Variants in USP31 observed in about 807,000 individuals in gnomAD.
The protein encoded by USP31 is ubiquitin specific peptidase 31.
USP31 carries 44 observed loss-of-function variants against 119.4 expected under a neutral mutation model. The observed-to-expected ratio is 0.37, with a 90% CI of 0.29 to 0.47. The LOEUF (loss-of-function observed/expected upper bound fraction) is 0.47, where lower values mean the gene tolerates loss of function less well. Among genes scored for constraint, USP31 ranks in the 20% least tolerant of loss-of-function variants. USP31 has a pLI of 0.99. For synonymous variants in USP31, 749 were observed against 705.6 expected (o/e 1.06, Z -0.97); for missense variants, 1,643 against 1,730.2 (o/e 0.95, Z 0.89).
At chr16:23,072,013 T>A (rs368262993) in intron 15 of USP31, 32 bp downstream of exon 15, 2 of 1,592,354 alleles carry the variant, frequency 1.3e-6, no homozygotes, top group African/African-American at 2.7e-5. Context: ...GAGTTACCAT[T>A]CTGGAAATTT....
At chr16:23,088,535 G>A (rs1049759782) in intron 7 of USP31, among the ~76,000 whole-genome samples, 2 of 152,050 alleles carry the variant, frequency 1.3e-5, no homozygotes, top group South Asian at 2.1e-4. Context: ...TCTCATCCAC[G>A]CCCAGTCAGT....
chr16:23,133,703 T>A (rs1427357238), intron 1 of USP31, among the ~76,000 whole-genome samples: 1 of 152,216 alleles, frequency 6.6e-6, no homozygotes, highest in Non-Finnish European at 1.5e-5. Flanking sequence ...TGGAAAGTTG[T>A]TGATTTTATC....
chr16:23,070,137 CAG>C (rs1900285035), intron 15 of USP31, among the ~76,000 whole-genome samples: 1 of 152,230 alleles, frequency 6.6e-6, no homozygotes, highest in African/African-American at 2.4e-5. Context: ...CTGTGCCCAA[CAG>C]AGCACCTGGC....
intron 6 of USP31, among the ~76,000 whole-genome samples, chr16:23,094,241 C>T (rs948810000): frequency 6.6e-6 from 1 of 152,208 alleles, no homozygotes; most frequent in African/African-American, 2.4e-5. Context: ...GTCTTGCTCA[C>T]TGCTAGCGCA....
intron 1 of USP31, among the ~76,000 whole-genome samples, chr16:23,128,512 A>C (rs1902934450): frequency 6.6e-6 from 1 of 152,230 alleles, no homozygotes; most frequent in African/African-American, 2.4e-5. Context: ...ATTATTTTGA[A>C]AACTGAAAAA....
intron 15 of USP31, among the ~76,000 whole-genome samples, chr16:23,070,708 G>A (rs1357705331): frequency 2.2e-5 from 3 of 134,696 alleles, no homozygotes; most frequent in Non-Finnish European, 5.0e-5. Context: ...GACAGACTCC[G>A]TTTAAAAAAA....
At chr16:23,107,837 T>C (rs149721789) in intron 2 of USP31, among the ~76,000 whole-genome samples, 2 of 152,238 alleles carry the variant, frequency 1.3e-5, no homozygotes, top group Admixed American at 6.5e-5. Flanking sequence ...CATTAGACTA[T>C]AAATTCCTTG....
At chr16:23,120,065 C>A (rs1902617508) in intron 1 of USP31, among the ~76,000 whole-genome samples, 1 of 152,194 alleles carries the variant, frequency 6.6e-6, no homozygotes, top group Non-Finnish European at 1.5e-5. Flanking sequence ...ACTCAAGTAA[C>A]TCAAATGTAT....
intron 15 of USP31, among the ~76,000 whole-genome samples, chr16:23,069,930 G>T (rs1005143680): frequency 2.6e-5 from 4 of 152,212 alleles, no homozygotes; most frequent in African/African-American, 9.6e-5. Flanking sequence ...GTTAGGCTTT[G>T]CAGGCCAAAC....
chr16:23,125,544 C>T (rs556704303), intron 1 of USP31, among the ~76,000 whole-genome samples: 4 of 152,308 alleles, frequency 2.6e-5, no homozygotes, highest in African/African-American at 4.8e-5. Context: ...GGAAATGAAG[C>T]TACTCTCCTT....
chr16:23,112,253 A>G (rs1027237254), intron 1 of USP31, among the ~76,000 whole-genome samples: 3 of 152,160 alleles, frequency 2.0e-5, no homozygotes, highest in Non-Finnish European at 2.9e-5. Flanking sequence ...CTTTTTTCTC[A>G]GTCTTCATGT....
chr16:23,069,265 C>A lies in USP31; in HGVS notation c.2840G>T (p.Gly947Val), dbSNP rs755611438. The change falls in exon 16 of 16, where the codon GGC becomes GTC. Residue 947 changes from glycine (G) to valine (V), a missense_variant. Physicochemically the swap from Gly to Val is moderately radical, Grantham distance 109. Transcript: ENST00000219689. The stretch of plus-strand genomic sequence containing the variant: ...GGTGTCCGATTCGTCTTTGAACACG[C>A]CTTCCATGACAGCCAGAGGGGCCCG... ...VGRAPLAVME[G>V]VFKDESDTRR... The A allele has an allele frequency of 1.9e-6, 3 of 1,613,226 alleles. No homozygotes were observed. In the Admixed American group the frequency reaches 5.0e-5, roughly 27 times the overall value.
intron 7 of USP31, among the ~76,000 whole-genome samples, chr16:23,089,138 G>A (rs1901241342): frequency 6.6e-6 from 1 of 152,078 alleles, no homozygotes; most frequent in African/African-American, 2.4e-5. Flanking sequence ...CATTCCTTCT[G>A]TGCCTGACAC....
chr16:23,135,235 T>C (rs1903154321), intron 1 of USP31, among the ~76,000 whole-genome samples: 1 of 150,732 alleles, frequency 6.6e-6, no homozygotes, highest in Admixed American at 6.6e-5. Flanking sequence ...GCTAACATCA[T>C]ACTGAATGGT....
At chr16:23,105,664 C>A in intron 4 of USP31, 88 bp from the exon 5 acceptor site, 1 of 1,354,672 alleles carries the variant, frequency 7.4e-7, no homozygotes. Flanking sequence ...ACGAAATCAA[C>A]AAAAAACTAA....
chr16:23,100,792 G>A (rs1901818624), intron 6 of USP31, among the ~76,000 whole-genome samples: 1 of 152,124 alleles, frequency 6.6e-6, no homozygotes, highest in Admixed American at 6.5e-5. Context: ...TTAGAGCTTG[G>A]CAGGATGGGG....
At chr16:23,146,938 T>C (rs986595217) in intron 1 of USP31, among the ~76,000 whole-genome samples, 7 of 147,966 alleles carry the variant, frequency 4.7e-5, no homozygotes, top group Admixed American at 6.8e-5. Flanking sequence ...TACCTGCCAA[T>C]GCTTCTAGAC....
chr16:23,061,482 T>TTA lies in USP31; in HGVS notation c.*6563_*6564insTA, dbSNP rs906584571. ...TTTTCTCTTAATTCCAACTGTATAC[T>TTA]ATATAATCAACGCTGTTTCAGAAAT... On this transcript the variant is annotated 3_prime_UTR_variant, in exon 16 of 16. Transcript: ENST00000219689. 8 of 152,672 alleles carry TTA rather than the reference T, an allele frequency of 5.2e-5. No individual in the cohort carries two copies. Among genetic ancestry groups the TTA allele is most frequent in the Admixed American group, 3.3e-4 (5 of 15,288 alleles). 9.5% of individuals were successfully genotyped at this position (152,672 alleles called of 1,614,324 possible). A position where few individuals can be genotyped will look rare whatever the true frequency, so the allele number is the denominator to read the frequency against.
Position 23,091,668 on chromosome 16 carries a change from T to C in USP31, c.1235-864A>G, listed in dbSNP as rs538746243. Reference sequence around the variant, plus strand: ...CTAAGACTCACTGAACCTATTAAGATACCTCAACATTATAACAATTTAAAA... The same window carrying C: ...CTAAGACTCACTGAACCTATTAAGACACCTCAACATTATAACAATTTAAAA... On this transcript the variant is annotated intron_variant, in intron 6 of 15. Transcript: ENST00000219689. 1.1e-4 allele frequency among the ~76,000 whole-genome samples: 16 copies of C among 152,226 alleles called. 1 individual carries two copies. Among genetic ancestry groups the C allele is most frequent in the Non-Finnish European group, 2.4e-4 (16 of 68,046 alleles).
Sources: allele counts gnomAD v4.1 joint callset (sites outside exome capture counted in the v4.1 genomes callset), GRCh38; gene constraint gnomAD v4.1.1; transcripts MANE v1.5; gene names NCBI Gene and HGNC (gene_info 2026-07-23, HGNC 2026-07-21).